CCDC83: variants seen among roughly 807,000 people sequenced by gnomAD.
CCDC83 encodes coiled-coil domain-containing protein 83.
Under a neutral mutation model 50.1 loss-of-function variants are expected in CCDC83, and 54 were observed. That is an observed-to-expected ratio of 1.08 (90% CI 0.87 to 1.35). CCDC83 has a LOEUF of 1.35. Among genes scored for constraint, CCDC83 ranks in the 40% most tolerant of loss-of-function variants. CCDC83 has a pLI of 0.00. For synonymous variants in CCDC83, 161 were observed against 153.3 expected, an observed-to-expected ratio of 1.05 and a Z score of -0.37; for missense variants, 518 against 473.9, an observed-to-expected ratio of 1.09 and a Z score of -0.86.
At chr11:85,857,296 T>C (rs1449152261) in intron 1 of CCDC83, among the ~76,000 whole-genome samples, 2 of 152,172 alleles carry the variant, frequency 1.3e-5, no homozygotes, top group East Asian at 3.9e-4. Context: ...CTCATTACCC[T>C]GGGTGCCAAG....
At chr11:85,857,557 A>C (rs1366507173) in intron 1 of CCDC83, among the ~76,000 whole-genome samples, 2 of 152,184 alleles carry the variant, frequency 1.3e-5, no homozygotes, top group Non-Finnish European at 2.9e-5. Context: ...GGAGACCATG[A>C]TTGGGGTCCA....
chr11:85,873,448 A>G (rs1205477531), intron 3 of CCDC83, among the ~76,000 whole-genome samples, 153 bp downstream of exon 3: 1 of 152,202 alleles, frequency 6.6e-6, no homozygotes, highest in Non-Finnish European at 1.5e-5. Context: ...TTCTTTATAC[A>G]TGTGAGGCAG....
intron 2 of CCDC83, among the ~76,000 whole-genome samples, chr11:85,866,321 A>C (rs2093206472): frequency 6.6e-6 from 1 of 152,216 alleles, no homozygotes; most frequent in Non-Finnish European, 1.5e-5. Context: ...GGAATGTAGC[A>C]GCAAACAGGA....
chr11:85,905,619 A>T (rs918238133), intron 7 of CCDC83, among the ~76,000 whole-genome samples: 11 of 138,822 alleles, frequency 7.9e-5, no homozygotes, highest in African/African-American at 1.4e-4. Flanking sequence ...TCAAAAAAAT[A>T]AAAAAAAAAA....
chr11:85,912,819 G>A (rs1289840078), intron 8 of CCDC83: 5 of 879,860 alleles, frequency 5.7e-6, no homozygotes, highest in Non-Finnish European at 7.8e-6. Flanking sequence ...CTTTAGGAAA[G>A]AGATACCCTC....
At chr11:85,867,992 C>T (rs754512469) in intron 2 of CCDC83, among the ~76,000 whole-genome samples, 2 of 152,032 alleles carry the variant, frequency 1.3e-5, no homozygotes, top group Non-Finnish European at 2.9e-5. Context: ...CAAGACATTT[C>T]CTCTCACCAT....
chr11:85,867,064 T>G (rs1444310939), intron 2 of CCDC83, among the ~76,000 whole-genome samples: 3 of 152,160 alleles, frequency 2.0e-5, no homozygotes, highest in Non-Finnish European at 4.4e-5. Context: ...AAGAGAGTTG[T>G]TGTTGTTTAA....
At chr11:85,904,198 G>T (rs547238286) in intron 7 of CCDC83, among the ~76,000 whole-genome samples, 3 of 152,140 alleles carry the variant, frequency 2.0e-5, no homozygotes, top group Admixed American at 2.0e-4. Context: ...TAAATTTACA[G>T]AATTATTGCA....
rs2093387709 is a variant in CCDC83 at position 85,898,953 on chromosome 11, G to C, written c.610G>C (p.Val204Leu). Residue 204 changes from valine (V) to leucine (L), a missense_variant, in exon 7 of 11, where the codon GTA (valine) becomes CTA (leucine). Val to Leu is a conservative substitution (Grantham distance 32). Coordinates refer to ENST00000342404, the MANE Select transcript of CCDC83 (RefSeq NM_001286159.2). ...QKKEWATQNAVKLIDKGSYLE... is the reference protein window; with the variant it reads ...QKKEWATQNALKLIDKGSYLE... ...TCCAGAAACTTTCTTTTAGAATGCT[G>C]TAAAGCTCATTGACAAGGGCAGTTA... 3 of 1,610,900 alleles carry C rather than the reference G, an allele frequency of 1.9e-6. No individual in the cohort carries two copies. Among genetic ancestry groups the C allele is most frequent in the Admixed American group, 3.3e-5 (2 of 59,714 alleles).
chr11:85,911,439 C>A, intron 8 of CCDC83, 37 bp downstream of exon 8: 2 of 1,488,014 alleles, frequency 1.3e-6, no homozygotes, highest in Non-Finnish European at 9.0e-7. Flanking sequence ...ATTTTGTAAA[C>A]ATTTGTATCT....
Position 85,916,127 on chromosome 11 carries a change from T to C in CCDC83, c.974T>C (p.Ile325Thr). ...TTACATCTTAGTCATGAAAATAGCA[T>C]CGAAGATCTCCAGTATGTGAAGATA... is the stretch of plus-strand genomic sequence containing the variant. ...TILHLSHENSIEDLQYVKIDK... is the reference protein window; with the variant it reads ...TILHLSHENSTEDLQYVKIDK... The change falls in exon 10 of 11, where the codon ATC (isoleucine) becomes ACC (threonine). Residue 325 changes from isoleucine (I) to threonine (T), a missense_variant. Coordinates refer to ENST00000342404, the MANE Select transcript of CCDC83 (RefSeq NM_001286159.2). 6.2e-7 allele frequency: 1 copy of C among 1,613,170 alleles called. No homozygotes were observed. Among genetic ancestry groups the C allele is most frequent in the Middle Eastern group, 1.7e-4 (1 of 6,056 alleles).
intron 3 of CCDC83, among the ~76,000 whole-genome samples, chr11:85,878,472 A>G (rs898113106): frequency 6.6e-6 from 1 of 152,270 alleles, no homozygotes; most frequent in African/African-American, 2.4e-5. Context: ...AAAATTCAGC[A>G]TAACTCTCTG....
In CCDC83 at chr11:85,912,843, C is replaced by T. The variant is rs564123773; in HGVS notation, c.794+1441C>T. On this transcript the variant is annotated intron_variant, in intron 8 of 10. Coordinates refer to ENST00000342404, the MANE Select transcript of CCDC83 (RefSeq NM_001286159.2). ...AGAGATACCCTCTAAACTGCCAGAC[C>T]CGTGTCTCTACCTGGATCAACTCAG... is the stretch of plus-strand genomic sequence containing the variant. 75 of 759,818 alleles carry T rather than the reference C, an allele frequency of 9.9e-5. 1 individual carries two copies. The South Asian group carries it at 1.0e-3, about 10-fold the overall frequency. The allele number at this position is 759,818 out of a possible 1,614,324, so 47.1% of individuals were successfully genotyped here.
At chr11:85,912,520 A>C in intron 8 of CCDC83, 1 of 682,960 alleles carries the variant, frequency 1.5e-6, no homozygotes, top group Non-Finnish European at 2.7e-6. Context: ...AGGCTGAATG[A>C]GGATTGATTA....
intron 2 of CCDC83, among the ~76,000 whole-genome samples, chr11:85,871,395 T>G (rs991577682): frequency 9.9e-5 from 15 of 152,194 alleles, no homozygotes; most frequent in African/African-American, 3.6e-4. Context: ...GCTCTAAAAT[T>G]CAAGTTTCAT....
At chr11:85,913,491 C>T (rs539834005) in intron 8 of CCDC83, among the ~76,000 whole-genome samples, 12 of 152,322 alleles carry the variant, frequency 7.9e-5, no homozygotes, top group Admixed American at 7.8e-4. Context: ...GAATATTACA[C>T]ATATTATATC....
intron 7 of CCDC83, 27 bp downstream of exon 7, chr11:85,899,042 A>G (rs1226641148): frequency 1.3e-6 from 2 of 1,522,808 alleles, no homozygotes; most frequent in Admixed American, 1.7e-5. Flanking sequence ...AAAACAAACA[A>G]TTTCTTCGTT....
intron 7 of CCDC83, among the ~76,000 whole-genome samples, chr11:85,905,307 T>C (rs1246423362): frequency 2.0e-5 from 3 of 152,042 alleles, no homozygotes; most frequent in Non-Finnish European, 4.4e-5. Flanking sequence ...CCGGGCGTGA[T>C]GGTGCATGCC....
intron 1 of CCDC83, among the ~76,000 whole-genome samples, chr11:85,856,829 G>T (rs1264653923): frequency 6.6e-6 from 1 of 152,086 alleles, no homozygotes; most frequent in Non-Finnish European, 1.5e-5. Context: ...ATGAAAAGCG[G>T]TCTCAATTTT....
Sources: gnomAD v4.1 joint callset for allele counts (sites outside exome capture counted in the v4.1 genomes callset) on GRCh38, gnomAD v4.1.1 for gene constraint, MANE v1.5 for transcripts, NCBI Gene and HGNC (gene_info 2026-07-23, HGNC 2026-07-21) for gene names.